The following TSG101 variants were observed in gnomAD, a reference collection of about 807,000 sequenced individuals.
TSG101 encodes the protein tumor susceptibility 101.
TSG101 carries 19 observed loss-of-function variants against 48.5 expected under a neutral mutation model. That is an observed-to-expected ratio of 0.39 (90% CI 0.27 to 0.58). The LOEUF (loss-of-function observed/expected upper bound fraction) is 0.58. Among genes scored for constraint, TSG101 ranks in the 20% least tolerant of loss-of-function variants. TSG101 has a pLI of 0.55. For synonymous variants in TSG101, 174 were observed against 169.4 expected, an observed-to-expected ratio of 1.03 and a Z score of -0.21; for missense variants, 365 against 484.4, an observed-to-expected ratio of 0.75 and a Z score of 2.31.
At chr11:18,496,463 A>AAAATAAAATAAAATAAAAT (rs1849781106) in intron 7 of TSG101, among the ~76,000 whole-genome samples, 1 of 139,980 alleles carries the variant, frequency 7.1e-6, no homozygotes, top group South Asian at 2.3e-4. Flanking sequence ...AAAATAAAAT[A>AAAATAAAATAAAATAAAAT]AAATAAAATA....
At chr11:18,515,017 T>A (rs1850148846) in intron 3 of TSG101, among the ~76,000 whole-genome samples, 176 bp from the exon 4 acceptor site, 1 of 152,154 alleles carries the variant, frequency 6.6e-6, no homozygotes. Flanking sequence ...TCAGTAATCT[T>A]AAATTTTACT....
chr11:18,490,481 A>G, intron 7 of TSG101: 1 of 508,154 alleles, frequency 2.0e-6, no homozygotes. Flanking sequence ...CTGGATGTGT[A>G]GGCTGCATTT....
intron 2 of TSG101, among the ~76,000 whole-genome samples, 183 bp from the exon 3 acceptor site, chr11:18,516,347 C>T (rs1464616900): frequency 6.6e-6 from 1 of 150,924 alleles, no homozygotes. Context: ...CATTGATCAG[C>T]TCTTTTTTGT....
At chr11:18,483,460 C>A (rs1363143616) in intron 8 of TSG101, among the ~76,000 whole-genome samples, 1 of 145,544 alleles carries the variant, frequency 6.9e-6, no homozygotes, top group Non-Finnish European at 1.5e-5. Context: ...TGCACCACTT[C>A]ACTCCAGCCT....
rs766081128 is a variant in TSG101 at position 18,519,511 on chromosome 11, A to G, written c.127+8T>C. 1 of 1,593,788 alleles carries G rather than the reference A, an allele frequency of 6.3e-7. No individual in the cohort carries two copies. The highest frequency in any genetic ancestry group is 2.2e-5 in the East Asian group (1 of 44,652). On this transcript the variant is annotated splice_region_variant and intron_variant, in intron 2 of 9. Coordinates refer to ENST00000251968, the MANE Select transcript of TSG101 (RefSeq NM_006292.4). ...ATAGAAATTGCTATTTTTACTGCAT[A>G]AACTCACCATATGAATCCAAAACAG...
Position 18,492,353 on chromosome 11 carries a change from T to G in TSG101, c.641-8281A>C, listed in dbSNP as rs528165733. ...AGAAGTTATCAGAACTAATGAAAAC[T>G]TAAGAGTCTTTTTATAGTTAGTGAA... On this transcript the variant is annotated intron_variant, in intron 7 of 9. Coordinates refer to ENST00000251968, the MANE Select transcript of TSG101 (RefSeq NM_006292.4). 2.6e-5 allele frequency among the ~76,000 whole-genome samples: 4 copies of G among 152,314 alleles called. 1 individual carries two copies. In the South Asian group the frequency reaches 8.3e-4, roughly 32 times the overall value.
chr11:18,522,961 C>G (rs1435344521), intron 1 of TSG101, among the ~76,000 whole-genome samples: 1 of 152,206 alleles, frequency 6.6e-6, no homozygotes, highest in Non-Finnish European at 1.5e-5. Flanking sequence ...GTGATCACAG[C>G]TCACTGCAAC....
chr11:18,489,385 C>A (rs574743460), intron 7 of TSG101, among the ~76,000 whole-genome samples: 1 of 152,160 alleles, frequency 6.6e-6, no homozygotes, highest in Non-Finnish European at 1.5e-5. Context: ...TATGCCTACA[C>A]CACCATGCCT....
intron 6 of TSG101, among the ~76,000 whole-genome samples, chr11:18,505,127 G>T (rs1227929202): frequency 6.6e-6 from 1 of 152,084 alleles, no homozygotes; most frequent in Non-Finnish European, 1.5e-5. Context: ...CATGTGTTCA[G>T]AAATCTGGCT....
At chr11:18,514,958 CA>C (rs1850147792) in intron 3 of TSG101, 117 bp from the exon 4 acceptor site, 1 of 918,464 alleles carries the variant, frequency 1.1e-6, no homozygotes, top group Non-Finnish European at 1.5e-6. Flanking sequence ...GCATCCCCCC[CA>C]TTCCTATTTC....
At chr11:18,517,649 A>G (rs970744154) in intron 2 of TSG101, among the ~76,000 whole-genome samples, 4 of 152,234 alleles carry the variant, frequency 2.6e-5, no homozygotes, top group African/African-American at 4.8e-5. Flanking sequence ...TATGCAGTAC[A>G]GTAACATCTG....
intron 7 of TSG101, among the ~76,000 whole-genome samples, chr11:18,499,381 A>AATAAATATATATATATATATATATATAT (rs1554970780): frequency 1.6e-4 from 2 of 12,292 alleles, no homozygotes; most frequent in African/African-American, 5.2e-4. Flanking sequence ...TTTATATTTA[A>AATAAATATATATATATATATATATATAT]ATATATATAT....
At chr11:18,520,886 C>A (rs183764822) in intron 1 of TSG101, among the ~76,000 whole-genome samples, 3 of 152,098 alleles carry the variant, frequency 2.0e-5, no homozygotes, top group Non-Finnish European at 4.4e-5. Context: ...CAAAAATTAT[C>A]TGGGCGTGGT....
At chr11:18,492,834 T>G (rs963104881) in intron 7 of TSG101, among the ~76,000 whole-genome samples, 2 of 151,916 alleles carry the variant, frequency 1.3e-5, no homozygotes, top group African/African-American at 4.8e-5. Flanking sequence ...CCCAGAGTTT[T>G]TCAAAGAAGT....
chr11:18,517,689 T>C (rs1850202641), intron 2 of TSG101, among the ~76,000 whole-genome samples: 1 of 152,244 alleles, frequency 6.6e-6, no homozygotes, highest in Non-Finnish European at 1.5e-5. Flanking sequence ...AGCAACAGGC[T>C]ATGCCATATA....
chr11:18,523,165 G>GA (rs1423109837), intron 1 of TSG101, among the ~76,000 whole-genome samples: 4 of 152,128 alleles, frequency 2.6e-5, no homozygotes, highest in African/African-American at 9.7e-5. Flanking sequence ...AAAATGTTTG[G>GA]ATTTCAGGTG....
At chr11:18,520,679 T>A (rs915683155) in intron 1 of TSG101, among the ~76,000 whole-genome samples, 9 of 152,210 alleles carry the variant, frequency 5.9e-5, no homozygotes, top group African/African-American at 2.2e-4. Context: ...ATCCCTTTAG[T>A]ATAGTTTCAT....
chr11:18,523,781 C>A (rs997092587), intron 1 of TSG101, among the ~76,000 whole-genome samples: 2 of 152,198 alleles, frequency 1.3e-5, no homozygotes, highest in African/African-American at 2.4e-5. Context: ...AGATTACAGG[C>A]ATGAGCCATT....
At chr11:18,515,715 C>T (rs1850159101) in intron 3 of TSG101, among the ~76,000 whole-genome samples, 1 of 152,180 alleles carries the variant, frequency 6.6e-6, no homozygotes, top group Non-Finnish European at 1.5e-5. Flanking sequence ...GATTATAGAG[C>T]AAGAACTCAA....
Sources: gnomAD v4.1 joint callset for allele counts (sites outside exome capture counted in the v4.1 genomes callset) on GRCh38, gnomAD v4.1.1 for gene constraint, MANE v1.5 for transcripts, NCBI Gene and HGNC (gene_info 2026-07-23, HGNC 2026-07-21) for gene names.